The following ASIC2 variants were observed in gnomAD, a reference collection of about 807,000 sequenced individuals.
The protein encoded by ASIC2 is acid sensing ion channel subunit 2.
ASIC2 carries 25 observed loss-of-function variants against 57.3 expected under a neutral mutation model. The ratio of observed to expected loss-of-function variants is 0.44; its 90% CI spans 0.32 to 0.61. ASIC2 has a LOEUF of 0.61. Among genes scored for constraint, ASIC2 ranks in the 20% least tolerant of loss-of-function variants. ASIC2 has a pLI of 0.06. For synonymous variants in ASIC2, 319 were observed against 307.5 expected, an observed-to-expected ratio of 1.04 and a Z score of -0.39; for missense variants, 641 against 738.1, an observed-to-expected ratio of 0.87 and a Z score of 1.52.
intron 1 of ASIC2, among the ~76,000 whole-genome samples, chr17:33,417,695 A>AT (rs1237216851): frequency 6.6e-6 from 1 of 152,076 alleles, no homozygotes; most frequent in East Asian, 1.9e-4. Flanking sequence ...GCCTCTTCCA[A>AT]TGTTTCCGCC....
Position 33,089,116 on chromosome 17 carries a change from G to A in ASIC2, c.860-126C>T, listed in dbSNP as rs1003960092. 7 of 1,290,354 alleles carry A rather than the reference G, an allele frequency of 5.4e-6. No individual in the cohort carries two copies. The South Asian group carries it at 6.2e-5, about 11-fold the overall frequency. 79.9% of individuals were successfully genotyped at this position (1,290,354 alleles called of 1,614,324 possible). On this transcript the variant is annotated intron_variant, in intron 2 of 9. Coordinates refer to ENST00000225823, the MANE Select transcript of ASIC2 (RefSeq NM_183377.2). ...ATAAGCAGAATAATGGCCCCCAAAG[G>A]TGTCCACATCCCCACCTCCAGAAAC... is the stretch of plus-strand genomic sequence containing the variant.
chr17:33,415,417 TGAG>T (rs1003449913), intron 1 of ASIC2, among the ~76,000 whole-genome samples: 10 of 152,348 alleles, frequency 6.6e-5, no homozygotes, highest in African/African-American at 2.2e-4. Flanking sequence ...TTGTTTTTAT[TGAG>T]TTGTTATTTT....
chr17:33,396,133 C>A (rs1910068458), intron 1 of ASIC2, among the ~76,000 whole-genome samples: 1 of 152,170 alleles, frequency 6.6e-6, no homozygotes, highest in South Asian at 2.1e-4. Context: ...AAGGAATGGT[C>A]ATTTAGTCTC....
chr17:33,584,068 G>A (rs555507272), intron 1 of ASIC2, among the ~76,000 whole-genome samples: 1 of 152,078 alleles, frequency 6.6e-6, no homozygotes. Flanking sequence ...TCGGAAATCC[G>A]TTTTCATAAA....
chr17:33,133,784 T>A (rs2092357083), intron 1 of ASIC2, among the ~76,000 whole-genome samples: 3 of 151,880 alleles, frequency 2.0e-5, no homozygotes. Context: ...ATCACTACCA[T>A]CAAAAGGATA....
intron 1 of ASIC2, among the ~76,000 whole-genome samples, chr17:33,620,933 A>G (rs1346398434): frequency 2.0e-5 from 3 of 150,658 alleles, no homozygotes; most frequent in African/African-American, 7.4e-5. Flanking sequence ...ACCATCACTC[A>G]TGGACCCGCT....
intron 1 of ASIC2, among the ~76,000 whole-genome samples, chr17:33,443,406 A>ATTTTTTTTTTTTTTTTTTTTTTTTTTTTT (rs779597047): frequency 1.3e-5 from 1 of 75,232 alleles, no homozygotes; most frequent in African/African-American, 5.5e-5. Context: ...GGAGGGTAAG[A>ATTTTTTTTTTTTTTTTTTTTTTTTTTTTT]TTTTTTTTTT....
intron 1 of ASIC2, among the ~76,000 whole-genome samples, chr17:33,258,932 C>A (rs1445651107): frequency 6.6e-6 from 1 of 152,094 alleles, no homozygotes; most frequent in Non-Finnish European, 1.5e-5. Context: ...GGTGGTCCTG[C>A]TCCAAACTGT....
At chr17:33,437,713 G>A (rs895974549) in intron 1 of ASIC2, among the ~76,000 whole-genome samples, 4 of 152,060 alleles carry the variant, frequency 2.6e-5, no homozygotes, top group South Asian at 2.1e-4. Context: ...CAAGAATCGC[G>A]TGAACCCAGG....
upstream of ASIC2, among the ~76,000 whole-genome samples, chr17:33,298,256 C>A (rs373078271): frequency 1.3e-5 from 2 of 151,990 alleles, no homozygotes; most frequent in Non-Finnish European, 2.9e-5. Flanking sequence ...CTAATGCTAT[C>A]CCTCCCCACT....
intron 1 of ASIC2, among the ~76,000 whole-genome samples, chr17:34,024,077 C>T (rs1399142109): frequency 1.3e-5 from 2 of 152,202 alleles, no homozygotes; most frequent in Non-Finnish European, 2.9e-5. Flanking sequence ...TTACTCTTAA[C>T]CTATAAATCA....
At chr17:33,552,574 A>G (rs1024899782) in intron 1 of ASIC2, among the ~76,000 whole-genome samples, 3 of 152,226 alleles carry the variant, frequency 2.0e-5, no homozygotes, top group African/African-American at 4.8e-5. Flanking sequence ...CCTACTTTGC[A>G]AAAGGAAAGA....
intron 1 of ASIC2, among the ~76,000 whole-genome samples, chr17:33,934,026 T>C (rs760368913): frequency 2.6e-5 from 4 of 152,200 alleles, no homozygotes; most frequent in Non-Finnish European, 4.4e-5. Flanking sequence ...TTTCTTGTAG[T>C]TGATGTTTTT....
chr17:34,044,537 T>TA (rs1908266118), intron 1 of ASIC2, among the ~76,000 whole-genome samples: 1 of 152,170 alleles, frequency 6.6e-6, no homozygotes, highest in South Asian at 2.1e-4. Context: ...GGGTGAACTT[T>TA]AATCTCAATT....
intron 1 of ASIC2, among the ~76,000 whole-genome samples, chr17:33,482,076 TTCC>T (rs1913425941): frequency 6.6e-6 from 1 of 152,228 alleles, no homozygotes; most frequent in Admixed American, 6.5e-5. Context: ...CTCATGTGGT[TTCC>T]TCCTCCAGTC....
At chr17:33,600,443 C>G (rs1219741487) in intron 1 of ASIC2, among the ~76,000 whole-genome samples, 1 of 152,132 alleles carries the variant, frequency 6.6e-6, no homozygotes, top group Non-Finnish European at 1.5e-5. Context: ...CAGTGCAAAA[C>G]TAACACAGAA....
chr17:33,542,899 A>G (rs1915461758), intron 1 of ASIC2, among the ~76,000 whole-genome samples: 1 of 151,814 alleles, frequency 6.6e-6, no homozygotes, highest in South Asian at 2.1e-4. Context: ...TTAAATCTTT[A>G]ATCCATCTTG....
chr17:33,015,394 A>G (rs2091800438), intron 9 of ASIC2, among the ~76,000 whole-genome samples: 1 of 152,214 alleles, frequency 6.6e-6, no homozygotes. Flanking sequence ...GGCAGTGGTT[A>G]GAAGTGCTTG....
chr17:33,112,070 G>A lies in ASIC2; in HGVS notation c.709-3C>T. ...CACTTCCCATATTTTGTAAACACCT[G>A]AAGGAGAGAAGAGAGAGAGAGAGAG... On this transcript the variant is annotated splice_polypyrimidine_tract_variant and splice_region_variant and intron_variant, in intron 1 of 9. Transcript: ENST00000225823. 5 of 1,612,056 alleles carry A rather than the reference G, an allele frequency of 3.1e-6. No individual in the cohort carries two copies. The highest frequency in any genetic ancestry group is 4.2e-6 in the Non-Finnish European group (5 of 1,179,024).
Sources: allele counts gnomAD v4.1 joint callset (sites outside exome capture counted in the v4.1 genomes callset), GRCh38; gene constraint gnomAD v4.1.1; transcripts MANE v1.5; gene names NCBI Gene and HGNC (gene_info 2026-07-23, HGNC 2026-07-21).